CLEC16A: variants seen among roughly 807,000 people sequenced by gnomAD.
CLEC16A encodes protein CLEC16A.
In CLEC16A, 51 loss-of-function variants were observed where a neutral mutation model predicts 109.5. That is an observed-to-expected ratio of 0.47 (90% CI 0.37 to 0.59). The LOEUF (loss-of-function observed/expected upper bound fraction) is 0.59, where lower values mean the gene tolerates loss of function less well. Ranked by LOEUF, CLEC16A falls within the 20% of genes least tolerant of loss-of-function variation. The probability of loss-of-function intolerance (pLI) is 0.00; values close to 1 mark genes in which losing one functional copy is unlikely to be tolerated. For missense variants in CLEC16A, 1,339 were observed against 1,394.0 expected, an observed-to-expected ratio of 0.96 and a Z score of 0.63; for synonymous variants, 673 against 564.2, an observed-to-expected ratio of 1.19 and a Z score of -2.73.
At chr16:11,042,178 C>T (rs2047372856) in intron 14 of CLEC16A, 76 bp from the exon 15 acceptor site, 10 of 1,090,852 alleles carry the variant, frequency 9.2e-6, no homozygotes, top group Admixed American at 4.1e-5. Context: ...CTAGCCTCAA[C>T]GTGGATAGGC....
At chr16:11,157,020 C>G (rs982019380) in intron 22 of CLEC16A, 47 of 1,271,854 alleles carry the variant, frequency 3.7e-5, no homozygotes, top group Non-Finnish European at 4.7e-5. Context: ...TCTAAGGGCA[C>G]AATTAGGACA....
At chr16:11,027,032 G>C in intron 13 of CLEC16A, 35 of 1,571,506 alleles carry the variant, frequency 2.2e-5, no homozygotes, top group Non-Finnish European at 3.0e-5. Context: ...AGATGGCGGA[G>C]GAAGAGCAAA....
Position 11,020,216 on chromosome 16 carries a change from C to A in CLEC16A, c.1327C>A (p.Arg443Ser). ...SEEIEMVIME[R>S]SKLSELAAST... is the part of the protein sequence containing the mutation. ...AGAGATCGAGATGGTGATCATGGAG[C>A]GTAGCAAGCTCTCAGAGCTGGCCGC... Residue 443 changes from arginine (R) to serine (S), a missense_variant, in exon 12 of 24, where the codon CGT becomes AGT. By Grantham distance (110) the Arg-to-Ser change is moderately radical (BLOSUM62 -1). Coordinates refer to ENST00000409790, the MANE Select transcript of CLEC16A (RefSeq NM_015226.3). 1 of 1,612,880 alleles carries A rather than the reference C, an allele frequency of 6.2e-7. No individual in the cohort carries two copies. The highest frequency in any genetic ancestry group is 8.5e-7 in the Non-Finnish European group (1 of 1,179,286).
intron 19 of CLEC16A, among the ~76,000 whole-genome samples, chr16:11,063,828 TAG>T (rs1298786269): frequency 7.0e-6 from 1 of 142,234 alleles, no homozygotes; most frequent in Non-Finnish European, 1.6e-5. Flanking sequence ...TGTTTTTCAC[TAG>T]AGAGGAGAGT....
At chr16:11,117,553 T>TTA (rs2052088014) in intron 19 of CLEC16A, among the ~76,000 whole-genome samples, 1 of 152,330 alleles carries the variant, frequency 6.6e-6, no homozygotes, top group East Asian at 1.9e-4. Context: ...CTTGGGCTTA[T>TTA]TATATGTGTT....
chr16:11,130,425 C>T (rs1185005329), intron 22 of CLEC16A, among the ~76,000 whole-genome samples: 1 of 152,198 alleles, frequency 6.6e-6, no homozygotes, highest in Non-Finnish European at 1.5e-5. Context: ...AGCAGCATCC[C>T]TCGGCTAAAT....
chr16:11,116,858 G>A (rs111464758), intron 19 of CLEC16A, among the ~76,000 whole-genome samples: 109 of 152,292 alleles, frequency 7.2e-4, no homozygotes, highest in African/African-American at 2.5e-3. Context: ...CCACAACTGG[G>A]ATGTGGTAAT....
rs200913487 is a variant in CLEC16A, at chr16:10,962,608, T to G, written c.343+20T>G. 80 of 1,612,900 alleles carry G rather than the reference T, an allele frequency of 5.0e-5. No individual in the cohort carries two copies. The highest frequency in any genetic ancestry group is 5.4e-5 in the Non-Finnish European group (64 of 1,178,996). On this transcript the variant is annotated intron_variant, in intron 3 of 23. Transcript: ENST00000409790. ...CACTTTGTAAGGACATTCCTTGGTA[T>G]TTGCCTCTGTGCTGCTGTGCATGTA...
chr16:11,167,551 C>T (rs1348963963), intron 23 of CLEC16A, among the ~76,000 whole-genome samples: 4 of 152,170 alleles, frequency 2.6e-5, no homozygotes, highest in Non-Finnish European at 4.4e-5. Flanking sequence ...CCAAGATCTC[C>T]CTGGGCACCT....
intron 5 of CLEC16A, chr16:10,971,590 A>T (rs1034868992): frequency 7.7e-6 from 7 of 910,376 alleles, no homozygotes; most frequent in Non-Finnish European, 9.2e-6. Flanking sequence ...ACTTTAATAC[A>T]GCTAAGGGGT....
intron 23 of CLEC16A, among the ~76,000 whole-genome samples, chr16:11,167,542 C>G (rs911698081): frequency 2.6e-5 from 4 of 152,322 alleles, no homozygotes; most frequent in African/African-American, 9.6e-5. Flanking sequence ...CACCAGGAGC[C>G]AAGATCTCCC....
rs148064072 is a variant in CLEC16A, at chr16:11,166,379, G to C, written c.2642-9G>C. 1 of 1,593,372 alleles carries C rather than the reference G, an allele frequency of 6.3e-7. No homozygotes were observed. Among genetic ancestry groups the C allele is most frequent in the Non-Finnish European group, 8.5e-7 (1 of 1,173,612 alleles). On this transcript the variant is annotated splice_polypyrimidine_tract_variant and intron_variant, in intron 22 of 23. Coordinates refer to ENST00000409790, the MANE Select transcript of CLEC16A (RefSeq NM_015226.3). ...CTTCCACTTGGTCACCTGGTACTTT[G>C]TCTTGCAGGCTTCGCCGTGGCCCAG...
chr16:11,071,669 C>T (rs1337074378), intron 19 of CLEC16A, among the ~76,000 whole-genome samples: 2 of 148,306 alleles, frequency 1.3e-5, no homozygotes, highest in Non-Finnish European at 3.0e-5. Context: ...GTATTGCAAC[C>T]TGAAACTCCT....
chr16:11,147,757 C>T (rs540208876), intron 22 of CLEC16A, among the ~76,000 whole-genome samples: 21 of 152,268 alleles, frequency 1.4e-4, no homozygotes, highest in Non-Finnish European at 2.1e-4. Context: ...AGCTGTCATC[C>T]GACAGCACAT....
At chr16:11,042,037 A>G (rs2047364308) in intron 14 of CLEC16A, 3 of 530,468 alleles carry the variant, frequency 5.7e-6, no homozygotes, top group South Asian at 2.4e-5. Flanking sequence ...TCAGGGAAGT[A>G]TTTGGTATAG....
At chr16:11,095,817 GAAA>G (rs34366897) in intron 19 of CLEC16A, among the ~76,000 whole-genome samples, 128 of 105,886 alleles carry the variant, frequency 1.2e-3, no homozygotes, top group Middle Eastern at 5.6e-3. Context: ...GTCTCAAAAA[GAAA>G]AAAAAAAAAA....
intron 10 of CLEC16A, among the ~76,000 whole-genome samples, chr16:11,002,347 T>A (rs1247287913): frequency 6.6e-6 from 1 of 151,782 alleles, no homozygotes; most frequent in Non-Finnish European, 1.5e-5. Context: ...GAGCTGCTGC[T>A]GGTAAAGTGC....
chr16:11,123,987 G>C (rs200720892), intron 21 of CLEC16A, 41 bp downstream of exon 21: 2 of 1,543,722 alleles, frequency 1.3e-6, no homozygotes, highest in African/African-American at 1.4e-5. Flanking sequence ...CTGAGCACTT[G>C]GTGGGTCAGG....
chr16:11,126,520 G>A (rs952479905), intron 22 of CLEC16A: 16 of 807,218 alleles, frequency 2.0e-5, no homozygotes, highest in South Asian at 4.2e-5. Flanking sequence ...GTTTGGTTCC[G>A]GTTACAACCC....
Sources: allele counts gnomAD v4.1 joint callset (sites outside exome capture counted in the v4.1 genomes callset), GRCh38; gene constraint gnomAD v4.1.1; transcripts MANE v1.5; gene names NCBI Gene and HGNC (gene_info 2026-07-23, HGNC 2026-07-21).